Variants in NELFB observed in about 807,000 individuals in gnomAD.
The protein encoded by NELFB is negative elongation factor B.
NELFB carries 34 observed loss-of-function variants against 60.2 expected under a neutral mutation model. The ratio of observed to expected loss-of-function variants is 0.56; its 90% CI spans 0.43 to 0.75. The LOEUF is 0.75. Among genes scored for constraint, NELFB ranks in the 30% least tolerant of loss-of-function variants. The pLI is 0.00. For synonymous variants in NELFB, 459 were observed against 382.1 expected (o/e 1.20, Z -2.35); for missense variants, 770 against 831.6 (o/e 0.93, Z 0.91).
Position 137,271,359 on chromosome 9 carries a change from A to G in NELFB, c.1490-722A>G, listed in dbSNP as rs1237511286. On this transcript the variant is annotated intron_variant, in intron 10 of 12. Coordinates refer to ENST00000343053, the MANE Select transcript of NELFB (RefSeq NM_015456.5). ...CCCCATCCGGGATACTAGGAAGGCCATCCTCAACCTGTCCGCACACGTCAC... is the reference window on the plus strand; with the variant it reads ...CCCCATCCGGGATACTAGGAAGGCCGTCCTCAACCTGTCCGCACACGTCAC... Among the ~76,000 whole-genome samples the G allele has an allele frequency of 1.2e-4, 18 of 152,372 alleles. No individual in the cohort carries two copies. In the South Asian group the frequency reaches 3.7e-3, roughly 32 times the overall value.
At chr9:137,271,084 C>T (rs1830578375) in intron 10 of NELFB, among the ~76,000 whole-genome samples, 1 of 152,244 alleles carries the variant, frequency 6.6e-6, no homozygotes, top group Admixed American at 6.5e-5. Flanking sequence ...CGCCTGCTGT[C>T]CCCTCTCCTG....
intron 10 of NELFB, among the ~76,000 whole-genome samples, chr9:137,271,279 A>G (rs982295690): frequency 2.0e-5 from 3 of 152,222 alleles, no homozygotes; most frequent in Non-Finnish European, 4.4e-5. Context: ...GTCTCCTGGA[A>G]ATGTTTCTGT....
At chr9:137,270,011 C>T (rs570471816) in intron 10 of NELFB, among the ~76,000 whole-genome samples, 3 of 152,196 alleles carry the variant, frequency 2.0e-5, no homozygotes, top group South Asian at 2.1e-4. Context: ...TGAAAGAATA[C>T]GAAGTCAAGA....
chr9:137,261,206 G>A (rs1441737041), intron 4 of NELFB, among the ~76,000 whole-genome samples: 3 of 151,860 alleles, frequency 2.0e-5, no homozygotes, highest in Non-Finnish European at 4.4e-5. Flanking sequence ...TGGGCGTGGT[G>A]GTGGGTGCCT....
intron 11 of NELFB, 64 bp downstream of exon 11, chr9:137,272,286 G>A: frequency 6.3e-7 from 1 of 1,593,516 alleles, no homozygotes; most frequent in Non-Finnish European, 8.6e-7. Flanking sequence ...AGCAGCCTGA[G>A]AGGTGGCTGC....
At chr9:137,262,205 T>C (rs1830456669) in intron 4 of NELFB, among the ~76,000 whole-genome samples, 1 of 152,102 alleles carries the variant, frequency 6.6e-6, no homozygotes, top group Admixed American at 6.6e-5. Flanking sequence ...TGTCAGGCCC[T>C]CCACAAGAGG....
intron 10 of NELFB, among the ~76,000 whole-genome samples, chr9:137,268,214 C>T (rs1830543238): frequency 6.6e-6 from 1 of 152,122 alleles, no homozygotes; most frequent in Non-Finnish European, 1.5e-5. Flanking sequence ...TCCTTGCTGA[C>T]TCAGGCCTTG....
Position 137,272,598 on chromosome 9 carries a change from C to T in NELFB, c.1723C>T (p.Leu575=). ...TAAGCTGGAGGCGTTGCAGAAGGCC[C>T]TGGAGCCTACAGGCCAGGTGGGTGC... The change falls in exon 12 of 13, where the codon CTG becomes TTG. Residue 575 remains leucine (L), a synonymous_variant. Coordinates refer to ENST00000343053, the MANE Select transcript of NELFB (RefSeq NM_015456.5). 1.9e-6 allele frequency: 3 copies of T among 1,603,106 alleles called. No individual in the cohort carries two copies. The highest frequency in any genetic ancestry group is 2.6e-6 in the Non-Finnish European group (3 of 1,175,474).
intron 3 of NELFB, 91 bp downstream of exon 3, chr9:137,256,519 G>T: frequency 8.5e-7 from 1 of 1,171,100 alleles, no homozygotes; most frequent in African/African-American, 1.5e-5. Flanking sequence ...GCCTAGCTCC[G>T]GGAGCTTCCT....
chr9:137,256,365 T>C lies in NELFB; in HGVS notation c.447T>C (p.Phe149=). Residue 149 remains phenylalanine, a synonymous_variant, in exon 3 of 13, where the codon TTT becomes TTC. Coordinates refer to ENST00000343053, the MANE Select transcript of NELFB (RefSeq NM_015456.5). The stretch of plus-strand genomic sequence containing the variant: ...TGGAAGACCTTCTGGAGAAGAGCTT[T>C]TCTCTGGTGAAGATGCCGTCCCTGC... 6.2e-7 allele frequency: 1 copy of C among 1,614,106 alleles called. No homozygotes were observed. Among genetic ancestry groups the C allele is most frequent in the Non-Finnish European group, 8.5e-7 (1 of 1,180,018 alleles).
intron 1 of NELFB, 78 bp downstream of exon 1, chr9:137,255,689 G>A: frequency 6.8e-7 from 1 of 1,469,666 alleles, no homozygotes; most frequent in Non-Finnish European, 9.1e-7. Context: ...TGGCGGAGGC[G>A]CCGGAAGTTT....
chr9:137,260,404 T>G (rs927368732), intron 4 of NELFB, among the ~76,000 whole-genome samples: 1 of 73,916 alleles, frequency 1.4e-5, no homozygotes, highest in East Asian at 2.8e-4. Context: ...AAATTTTTTT[T>G]ATTTATTTTA....
chr9:137,269,623 A>G lies in NELFB; in HGVS notation c.1489+2277A>G, dbSNP rs1253191080. On this transcript the variant is annotated intron_variant, in intron 10 of 12. Coordinates refer to ENST00000343053, the MANE Select transcript of NELFB (RefSeq NM_015456.5). The surrounding 1 kb of genome is among the most constrained non-coding windows in gnomAD (Gnocchi z 5.3). ...TTGCCATTGTGTCCCAGCAGCCTTC[A>G]GTACTCAGTACAGCCATGTGCTGTG... 1.3e-5 allele frequency among the ~76,000 whole-genome samples: 2 copies of G among 152,240 alleles called. No homozygotes were observed. Among genetic ancestry groups the G allele is most frequent in the Non-Finnish European group, 2.9e-5 (2 of 68,044 alleles).
rs1830471416 is a variant in NELFB, at chr9:137,263,023, G to T, written c.742-14G>T. On this transcript the variant is annotated splice_polypyrimidine_tract_variant and intron_variant, in intron 4 of 12. Coordinates refer to ENST00000343053, the MANE Select transcript of NELFB (RefSeq NM_015456.5). The stretch of plus-strand genomic sequence containing the variant: ...CAGGACGGTCTGGGGGCCTGACAGT[G>T]CCTCTTGCTGCAGGTGGTGCAGCGG... The T allele has an allele frequency of 6.2e-7, 1 of 1,608,130 alleles. No homozygotes were observed. Among genetic ancestry groups the T allele is most frequent in the African/African-American group, 1.3e-5 (1 of 74,862 alleles).
intron 2 of NELFB, 37 bp from the exon 3 acceptor site, chr9:137,256,292 C>T (rs779952596): frequency 9.5e-6 from 15 of 1,579,552 alleles, no homozygotes; most frequent in African/African-American, 4.0e-5. Context: ...TGCGATTTGG[C>T]GCATCGCTGC....
intron 4 of NELFB, among the ~76,000 whole-genome samples, chr9:137,257,268 A>G (rs1227334714): frequency 3.3e-5 from 5 of 152,278 alleles, no homozygotes; most frequent in African/African-American, 1.2e-4. Context: ...AAAGTGATAT[A>G]TGGACAACAT....
intron 4 of NELFB, among the ~76,000 whole-genome samples, chr9:137,258,262 C>T (rs1837589351): frequency 6.6e-6 from 1 of 151,066 alleles, no homozygotes; most frequent in African/African-American, 2.4e-5. Context: ...CAGCTGGGAC[C>T]ACCGGTGTGT....
In NELFB at chr9:137,265,913, C is replaced by G; in HGVS notation, c.1077C>G (p.Ile359Met). Residue 359 changes from isoleucine to methionine, a missense_variant, in exon 7 of 13, where the codon ATC becomes ATG. Coordinates refer to ENST00000343053, the MANE Select transcript of NELFB (RefSeq NM_015456.5). ...TGATCCTGTGTGACCCCTTCGCCAT[C>G]AACACGCTGGCACTGAGCACAGTCA... 6.2e-7 allele frequency: 1 copy of G among 1,613,254 alleles called. No individual in the cohort carries two copies. Among genetic ancestry groups the G allele is most frequent in the South Asian group, 1.1e-5 (1 of 91,086 alleles).
intron 3 of NELFB, 96 bp from the exon 4 acceptor site, chr9:137,256,728 C>T: frequency 8.6e-7 from 1 of 1,157,074 alleles, no homozygotes; most frequent in Non-Finnish European, 1.2e-6. Flanking sequence ...GAGCTTAGCT[C>T]GAGGTGGTCT....
Sources: allele counts gnomAD v4.1 joint callset (sites outside exome capture counted in the v4.1 genomes callset), GRCh38; gene constraint gnomAD v4.1.1; non-coding constraint Gnocchi (gnomAD v3.1); transcripts MANE v1.5; gene names NCBI Gene and HGNC (gene_info 2026-07-23, HGNC 2026-07-21).